Variants in CDH15 observed in about 807,000 individuals in gnomAD.
CDH15 encodes cadherin-15.
A neutral mutation model predicts 69.4 loss-of-function variants in CDH15; 73 were observed. That is an observed-to-expected ratio of 1.05 (90% confidence interval 0.87 to 1.28). The LOEUF is 1.28. CDH15 is among the 50% of genes most tolerant of loss of function. The pLI, the probability that CDH15 is intolerant of heterozygous loss-of-function variation, is 0.00. For missense variants in CDH15, 1,343 were observed against 1,133.6 expected (o/e 1.18, Z -2.65); for synonymous variants, 624 against 507.7 (o/e 1.23, Z -3.08).
intron 11 of CDH15, 79 bp from the exon 12 acceptor site, chr16:89,193,391 C>A: frequency 7.3e-6 from 8 of 1,103,118 alleles, no homozygotes; most frequent in Middle Eastern, 3.0e-4. Context: ...CCCGCCCCCT[C>A]CTCCCACCTC....
rs1243040740 is a variant in CDH15 at position 89,185,314 on chromosome 16, A to T, written c.644A>T (p.Gln215Leu). 6.2e-7 allele frequency: 1 copy of T among 1,604,506 alleles called. No homozygotes were observed. Among genetic ancestry groups the T allele is most frequent in the East Asian group, 2.2e-5 (1 of 44,566 alleles). Residue 215 changes from glutamine to leucine, a missense_variant, in exon 5 of 14, where the codon CAA becomes CTA. Transcript: ENST00000289746. Reference sequence around the variant, plus strand: ...CTCACAGGAGAGATCCGCACAGTGCAAGTGGGGCTGGACCGCGAGGTGAGG... The same window carrying T: ...CTCACAGGAGAGATCCGCACAGTGCTAGTGGGGCTGGACCGCGAGGTGAGG... ...DELTGEIRTV[Q>L]VGLDREVVAV...
At position 89,187,618 on chromosome 16, in the gene CDH15, G is replaced by T. The variant is rs1269818640; in HGVS notation, c.792+61G>T. The T allele has an allele frequency of 1.9e-6, 3 of 1,604,906 alleles. No individual in the cohort carries two copies. The African/African-American group carries it at 4.0e-5, about 21-fold the overall frequency. On this transcript the variant is annotated intron_variant, in intron 6 of 13. Transcript: ENST00000289746. ...GCTTAGAGCTGCCTTCCCTTCTTGG[G>T]CTCCTGCAGAAGGCAGCGGGCTTCA...
At position 89,193,801 on chromosome 16, in the gene CDH15, T is replaced by C. The variant is rs755933786; in HGVS notation, c.2039T>C (p.Leu680Pro). The C allele has an allele frequency of 6.2e-7, 1 of 1,608,022 alleles. No homozygotes were observed. The highest frequency in any genetic ancestry group is 1.1e-5 in the South Asian group (1 of 90,934). ...CTGCGTCACCCGACAGCGCTGAGCC[T>C]GCCTCTGGGACCGCCGCCACTTCGC... ...SQLRHPTALS[L>P]PLGPPPLRRD... Residue 680 changes from leucine to proline, a missense_variant, in exon 13 of 14, where the codon CTG becomes CCG. Transcript: ENST00000289746.
intron 8 of CDH15, 50 bp from the exon 9 acceptor site, chr16:89,191,280 T>C: frequency 6.2e-7 from 1 of 1,611,120 alleles, no homozygotes. Context: ...ACCACACCTG[T>C]GGGGCCCTGG....
At position 89,192,281 on chromosome 16, in the gene CDH15, G is replaced by T; in HGVS notation, c.1692G>T (p.Ser564=). Residue 564 remains serine (S), a synonymous_variant, in exon 11 of 14, where the codon TCG becomes TCT. Transcript: ENST00000289746. ...LHRLSLLLRD[S]GQPPQQREQP... is the part of the protein sequence containing the mutation. ...GCCTCAGCCTGCTGCTCCGGGACTC[G>T]GGGCAGCCGCCCCAGCAGCGCGAGC... 6.5e-7 allele frequency: 1 copy of T among 1,531,426 alleles called. No homozygotes were observed. Among genetic ancestry groups the T allele is most frequent in the Non-Finnish European group, 8.7e-7 (1 of 1,145,454 alleles). The allele number at this position is 1,531,426 out of a possible 1,614,324, so 94.9% of individuals were successfully genotyped here.
At position 89,180,088 on chromosome 16, in the gene CDH15, A is replaced by G. The variant is rs578088272; in HGVS notation, c.202-112A>G. On this transcript the variant is annotated intron_variant, in intron 2 of 13. Transcript: ENST00000289746. ...GTACCAGGATCCGTCCTCCAGTCCT[A>G]GGAGACTTAGACCTGCCCTGCTGTC... 6 of 1,186,706 alleles carry G rather than the reference A, an allele frequency of 5.1e-6. No individual in the cohort carries two copies. The Admixed American group carries it at 9.8e-5, about 19-fold the overall frequency. 73.5% of individuals were successfully genotyped at this position (1,186,706 alleles called of 1,614,324 possible). A position where few individuals can be genotyped will look rare whatever the true frequency, so the allele number is the denominator to read the frequency against.
At chr16:89,176,317 G>A (rs908872261) in intron 1 of CDH15, among the ~76,000 whole-genome samples, 11 of 152,240 alleles carry the variant, frequency 7.2e-5, no homozygotes, top group Non-Finnish European at 7.3e-5. Context: ...TGAGGAGAGC[G>A]GGCAGCCTCG....
At chr16:89,180,443 C>T (rs547157882) in intron 3 of CDH15, 88 bp downstream of exon 3, 23 of 1,431,934 alleles carry the variant, frequency 1.6e-5, no homozygotes, top group South Asian at 3.7e-5. Flanking sequence ...TTCTCCTCCC[C>T]GCTCGGTGGG....
Position 89,183,609 on chromosome 16 carries a change from T to C in CDH15, c.419T>C (p.Ile140Thr). Residue 140 changes from isoleucine to threonine, a missense_variant, in exon 4 of 14, where the codon ATT (isoleucine) becomes ACT (threonine). By Grantham distance (89) the Ile-to-Thr change is moderately conservative. Coordinates refer to ENST00000289746, the MANE Select transcript of CDH15 (RefSeq NM_004933.3). ...CTGGAGGACCCCACGGACCTGGAGA[T>C]TGTAGTTGTGGATCAGAATGACAAC... ...STLEDPTDLEIVVVDQNDNRP... is the reference protein window; with the variant it reads ...STLEDPTDLETVVVDQNDNRP... 2 of 1,614,044 alleles carry C rather than the reference T, an allele frequency of 1.2e-6. No individual in the cohort carries two copies.
intron 12 of CDH15, 74 bp downstream of exon 12, chr16:89,193,680 C>T (rs190429472): frequency 3.2e-6 from 5 of 1,569,620 alleles, no homozygotes; most frequent in Non-Finnish European, 4.3e-6. Flanking sequence ...ACAAGCTGGC[C>T]AGGAGCCTGT....
At position 89,191,315 on chromosome 16, in the gene CDH15, C is replaced by A; in HGVS notation, c.1233-15C>A. 1.2e-6 allele frequency: 2 copies of A among 1,612,714 alleles called. No individual in the cohort carries two copies. Among genetic ancestry groups the A allele is most frequent in the Non-Finnish European group, 1.7e-6 (2 of 1,179,966 alleles). ...GGGTAAACTCAGATCCCACTCTTCCCCTCCCCTGCATCAGCTACTCCAAGG... is the reference window on the plus strand; with the variant it reads ...GGGTAAACTCAGATCCCACTCTTCCACTCCCCTGCATCAGCTACTCCAAGG... On this transcript the variant is annotated splice_polypyrimidine_tract_variant and intron_variant, in intron 8 of 13. Coordinates refer to ENST00000289746, the MANE Select transcript of CDH15 (RefSeq NM_004933.3).
chr16:89,192,319 T>C lies in CDH15; in HGVS notation c.1730T>C (p.Val577Ala). ...CAGCAGCGCGAGCAGCCTCTGAACG[T>C]GACCGTGTGCCGCTGCGGCAAGGAC... ...PPQQREQPLNVTVCRCGKDGV... is the reference protein window; with the variant it reads ...PPQQREQPLNATVCRCGKDGV... Residue 577 changes from valine (V) to alanine (A), a missense_variant, in exon 11 of 14, where the codon GTG becomes GCG. Physicochemically the swap from Val to Ala is moderately conservative, Grantham distance 64. Coordinates refer to ENST00000289746, the MANE Select transcript of CDH15 (RefSeq NM_004933.3). 3.9e-6 allele frequency: 6 copies of C among 1,535,616 alleles called. No homozygotes were observed. Among genetic ancestry groups the C allele is most frequent in the Non-Finnish European group, 5.2e-6 (6 of 1,147,358 alleles).
intron 5 of CDH15, among the ~76,000 whole-genome samples, chr16:89,186,475 C>T (rs1239737938): frequency 1.4e-4 from 13 of 94,738 alleles, no homozygotes; most frequent in South Asian, 3.7e-4. Flanking sequence ...CTGTAAAGGC[C>T]CACCCAGCGC....
Position 89,191,640 on chromosome 16 carries a change from C to T in CDH15, c.1376-15C>T. ...GGGTGTTGGGGTCACTAAGCCGCGG[C>T]CTCCTCGCCTGCAGCCTCCCAGCCC... On this transcript the variant is annotated splice_polypyrimidine_tract_variant and intron_variant, in intron 9 of 13. Coordinates refer to ENST00000289746, the MANE Select transcript of CDH15 (RefSeq NM_004933.3). The T allele has an allele frequency of 1.3e-6, 2 of 1,575,196 alleles. No homozygotes were observed. The highest frequency in any genetic ancestry group is 1.8e-5 in the Admixed American group (1 of 54,882).
At chr16:89,192,034 C>A (rs1915659586) in intron 10 of CDH15, 140 bp downstream of exon 10, 4 of 1,138,010 alleles carry the variant, frequency 3.5e-6, no homozygotes, top group Non-Finnish European at 3.7e-6. Flanking sequence ...ACCCCCCCCA[C>A]CACTGCATCC....
chr16:89,175,543 C>CG (rs961661027), intron 1 of CDH15, among the ~76,000 whole-genome samples: 1 of 152,022 alleles, frequency 6.6e-6, no homozygotes, highest in African/African-American at 2.4e-5. Context: ...CACAGGCTCC[C>CG]GGGGGGTTGG....
At chr16:89,173,857 A>G (rs778433173) in intron 1 of CDH15, among the ~76,000 whole-genome samples, 116 of 152,258 alleles carry the variant, frequency 7.6e-4, no homozygotes, top group Non-Finnish European at 1.4e-3. Context: ...TGCTGGTTCT[A>G]CACCTGGGAC....
At position 89,192,407 on chromosome 16, in the gene CDH15, A is replaced by G; in HGVS notation, c.1818A>G (p.Ala606=). 6.5e-7 allele frequency: 1 copy of G among 1,542,870 alleles called. No homozygotes were observed. Among genetic ancestry groups the G allele is most frequent in the Non-Finnish European group, 8.7e-7 (1 of 1,151,176 alleles). The stretch of plus-strand genomic sequence containing the variant: ...GGGGCACAGGCCTCAGCCTGGGCGC[A>G]CTGGTCATCGTGCTGGCCAGCGCCC... ...LAGGTGLSLG[A]LVIVLASALL... The change falls in exon 11 of 14, where the codon GCA becomes GCG. Residue 606 remains alanine, a synonymous_variant. Coordinates refer to ENST00000289746, the MANE Select transcript of CDH15 (RefSeq NM_004933.3).
chr16:89,174,971 G>A (rs770000754), intron 1 of CDH15, among the ~76,000 whole-genome samples: 22 of 152,362 alleles, frequency 1.4e-4, no homozygotes, highest in Middle Eastern at 3.4e-3. Context: ...TCTGGGACGG[G>A]GATGGGGTGG....
Sources: gnomAD v4.1 joint callset for allele counts (sites outside exome capture counted in the v4.1 genomes callset) on GRCh38, gnomAD v4.1.1 for gene constraint, MANE v1.5 for transcripts, NCBI Gene and HGNC (gene_info 2026-07-23, HGNC 2026-07-21) for gene names.